GIGYF2: variants seen among roughly 807,000 people sequenced by gnomAD.
GIGYF2 encodes GRB10-interacting GYF protein 2.
In GIGYF2, 25 loss-of-function variants were observed where a neutral mutation model predicts 208.1. The observed-to-expected ratio is 0.12, with a 90% CI of 0.09 to 0.17. GIGYF2 has a LOEUF of 0.17. Among genes scored for constraint, GIGYF2 ranks in the 10% least tolerant of loss-of-function variants. GIGYF2 has a pLI of 1.00. For missense variants in GIGYF2, 1,302 were observed against 1,579.4 expected (o/e 0.82, Z 2.98); for synonymous variants, 534 against 543.8 (o/e 0.98, Z 0.25).
chr2:232,770,653 C>G (rs1699203024), intron 8 of GIGYF2, among the ~76,000 whole-genome samples: 1 of 151,480 alleles, frequency 6.6e-6, no homozygotes, highest in Non-Finnish European at 1.5e-5. Flanking sequence ...TAGTATCATA[C>G]TGATCTCTTT....
At chr2:232,778,670 T>G (rs1559425180) in intron 8 of GIGYF2, among the ~76,000 whole-genome samples, 1 of 152,128 alleles carries the variant, frequency 6.6e-6, no homozygotes, top group Non-Finnish European at 1.5e-5. Flanking sequence ...TACATCCTTA[T>G]GCACAAGAGT....
In GIGYF2 at chr2:232,849,203, T is replaced by A. The variant is rs551054280; in HGVS notation, c.3685-1059T>A. Among the ~76,000 whole-genome samples the A allele has an allele frequency of 2.0e-5, 3 of 152,154 alleles. No individual in the cohort carries two copies. The South Asian group carries it at 6.2e-4, about 32-fold the overall frequency. On this transcript the variant is annotated intron_variant, in intron 27 of 28. Coordinates refer to ENST00000373563, the MANE Select transcript of GIGYF2 (RefSeq NM_001103146.3). ...TTTTTGGGAGGAAGTGTCACTCTGT[T>A]GCCCAAGCTGGAGTGCAGTAGCGCG...
At chr2:232,831,236 C>T (rs1701417719) in intron 21 of GIGYF2, among the ~76,000 whole-genome samples, 1 of 152,158 alleles carries the variant, frequency 6.6e-6, no homozygotes, top group South Asian at 2.1e-4. Flanking sequence ...GTACTGACTC[C>T]TTGGAAGTCA....
intron 2 of GIGYF2, among the ~76,000 whole-genome samples, chr2:232,708,692 A>AAAC (rs1553604204): frequency 3.1e-5 from 4 of 129,278 alleles, no homozygotes; most frequent in Admixed American, 7.7e-5. Flanking sequence ...AAAAAAAAAA[A>AAAC]GTAGCTGGGC....
intron 8 of GIGYF2, chr2:232,771,413 G>A (rs771662288): frequency 2.3e-6 from 3 of 1,319,720 alleles, no homozygotes; most frequent in Admixed American, 1.9e-5. Context: ...GCTCTTAACT[G>A]TTTTATAGTT....
rs577256146 is a variant in GIGYF2, at chr2:232,740,391, A to G, written c.41+5153A>G. ...GACATTACCTGGCTTTCTGGGAAGG[A>G]GCCAAGAAAGCTCCTTTGGGAGTTT... On this transcript the variant is annotated intron_variant, in intron 3 of 28. Coordinates refer to ENST00000373563, the MANE Select transcript of GIGYF2 (RefSeq NM_001103146.3). Among the ~76,000 whole-genome samples, 310 of 152,346 alleles carry G rather than the reference A, an allele frequency of 2.0e-3. 1 individual carries two copies. Among genetic ancestry groups the G allele is most frequent in the African/African-American group, 7.1e-3 (295 of 41,582 alleles).
intron 2 of GIGYF2, among the ~76,000 whole-genome samples, chr2:232,725,495 C>A (rs933267062): frequency 2.6e-5 from 4 of 152,070 alleles, no homozygotes; most frequent in African/African-American, 9.7e-5. Flanking sequence ...TTCTCTGTGC[C>A]TCATTTCCTC....
At chr2:232,726,368 C>CAAAAA (rs1295867270) in intron 2 of GIGYF2, among the ~76,000 whole-genome samples, 1 of 89,162 alleles carries the variant, frequency 1.1e-5, no homozygotes, top group African/African-American at 4.1e-5. Flanking sequence ...GGCTCTGTCT[C>CAAAAA]AAAAAAAAAA....
chr2:232,858,893 G>C lies in GIGYF2; in HGVS notation c.*2033G>C. On this transcript the variant is annotated 3_prime_UTR_variant, in exon 29 of 29. Transcript: ENST00000373563. ...GATCAGCTCCTGCCCTCATACCGCA[G>C]ACACACCCACTCTGAACACACCCCT... The C allele has an allele frequency of 4.3e-6, 1 of 233,644 alleles. No homozygotes were observed. Among genetic ancestry groups the C allele is most frequent in the Non-Finnish European group, 8.5e-6 (1 of 117,778 alleles). The allele number at this position is 233,644 out of a possible 1,614,324, so 14.5% of individuals were successfully genotyped here. A position where few individuals can be genotyped will look rare whatever the true frequency, so the allele number is the denominator to read the frequency against.
chr2:232,731,398 A>G (rs550064768), intron 2 of GIGYF2: 1 of 152,390 alleles, frequency 6.6e-6, no homozygotes, highest in East Asian at 1.9e-4. Context: ...TTATAAATGC[A>G]GAGCCATTAT....
At chr2:232,796,588 G>A (rs1267597669) in intron 14 of GIGYF2, among the ~76,000 whole-genome samples, 4 of 152,216 alleles carry the variant, frequency 2.6e-5, no homozygotes, top group South Asian at 2.1e-4. Flanking sequence ...ACAGCCTGGC[G>A]TGGCTCACGC....
At chr2:232,796,762 A>G (rs1314273103) in intron 14 of GIGYF2, among the ~76,000 whole-genome samples, 1 of 152,138 alleles carries the variant, frequency 6.6e-6, no homozygotes, top group African/African-American at 2.4e-5. Flanking sequence ...CGGGAGGGTG[A>G]GGCAGGAGAA....
chr2:232,850,156 G>T, intron 27 of GIGYF2, 106 bp from the exon 28 acceptor site: 1 of 977,650 alleles, frequency 1.0e-6, no homozygotes, highest in Non-Finnish European at 1.7e-6. Context: ...TTGTTTTTCT[G>T]CTTTTAAGCT....
chr2:232,713,973 G>A (rs1400492101), intron 2 of GIGYF2, among the ~76,000 whole-genome samples: 2 of 148,768 alleles, frequency 1.3e-5, no homozygotes, highest in South Asian at 2.1e-4. Context: ...TTTTTGAGAC[G>A]GAGTCTCGCT....
chr2:232,775,623 T>G (rs1332396426), intron 8 of GIGYF2, among the ~76,000 whole-genome samples: 2 of 152,122 alleles, frequency 1.3e-5, no homozygotes, highest in African/African-American at 4.8e-5. Flanking sequence ...TATAAATTAT[T>G]TGGAGGAAAA....
chr2:232,802,722 A>T (rs1291924250), intron 14 of GIGYF2, among the ~76,000 whole-genome samples: 1 of 152,104 alleles, frequency 6.6e-6, no homozygotes, highest in Non-Finnish European at 1.5e-5. Context: ...CCTTTGTCTG[A>T]CTTTGATACC....
At chr2:232,816,663 TTTCC>T (rs1350271914) in intron 19 of GIGYF2, among the ~76,000 whole-genome samples, 3 of 152,330 alleles carry the variant, frequency 2.0e-5, no homozygotes, top group South Asian at 4.1e-4. Flanking sequence ...TATGTCAGAA[TTTCC>T]TTCCTTTTAA....
chr2:232,742,139 A>G (rs1697990727), intron 3 of GIGYF2, among the ~76,000 whole-genome samples: 2 of 152,224 alleles, frequency 1.3e-5, no homozygotes, highest in South Asian at 4.1e-4. Flanking sequence ...GAGGAACTTC[A>G]TGATGCATAA....
chr2:232,778,616 A>G (rs149404202), intron 8 of GIGYF2, among the ~76,000 whole-genome samples: 15 of 152,304 alleles, frequency 9.8e-5, no homozygotes, highest in African/African-American at 2.9e-4. Flanking sequence ...TTGAGTCTAT[A>G]ATATAAAGCA....
Sources: allele counts gnomAD v4.1 joint callset (sites outside exome capture counted in the v4.1 genomes callset), GRCh38; gene constraint gnomAD v4.1.1; transcripts MANE v1.5; gene names NCBI Gene and HGNC (gene_info 2026-07-23, HGNC 2026-07-21).